The following FAM227B variants were observed in gnomAD, a reference collection of about 807,000 sequenced individuals.
FAM227B encodes the protein family with sequence similarity 227 member B, also known as protein FAM227B.
A neutral mutation model predicts 73.8 loss-of-function variants in FAM227B; 88 were observed. The ratio of observed to expected loss-of-function variants is 1.19; its 90% CI spans 1.00 to 1.42. The LOEUF is 1.42. Among genes scored for constraint, FAM227B ranks in the 40% most tolerant of loss-of-function variants. The pLI is 0.00. For synonymous variants in FAM227B, 210 were observed against 190.5 expected, an observed-to-expected ratio of 1.10 and a Z score of -0.84; for missense variants, 632 against 590.9, an observed-to-expected ratio of 1.07 and a Z score of -0.72.
chr15:49,392,216 A>G (rs2047257978), intron 11 of FAM227B, among the ~76,000 whole-genome samples: 1 of 152,192 alleles, frequency 6.6e-6, no homozygotes, highest in African/African-American at 2.4e-5. Flanking sequence ...GAGACTGTGA[A>G]CTGAACACCA....
chr15:49,389,262 G>A (rs1022132502), intron 11 of FAM227B, among the ~76,000 whole-genome samples: 2 of 151,862 alleles, frequency 1.3e-5, no homozygotes, highest in Non-Finnish European at 2.9e-5. Context: ...AACTAATGAT[G>A]GGATAAAGAA....
chr15:49,411,419 G>GA (rs2048865822), intron 11 of FAM227B, among the ~76,000 whole-genome samples: 1 of 151,972 alleles, frequency 6.6e-6, no homozygotes. Flanking sequence ...TTTTGAGAGA[G>GA]AAAATGAACA....
chr15:49,333,703 G>C (rs527885544), intron 14 of FAM227B, among the ~76,000 whole-genome samples: 2 of 152,244 alleles, frequency 1.3e-5, no homozygotes, highest in East Asian at 3.9e-4. Flanking sequence ...CAAAGTTATA[G>C]TCTCCCTAGG....
chr15:49,576,804 CTGAG>C lies in FAM227B; in HGVS notation c.479_482del (p.Thr160SerfsTer16). ...GTTCAGCATCCAAATGTCTGGGTAG[CTGAG>C]TAAGTTCATTTGCTTTGAATCCTGT... On this transcript the variant is annotated frameshift_variant, in exon 7 of 16. Coordinates refer to ENST00000299338, the MANE Select transcript of FAM227B (RefSeq NM_152647.3). LOFTEE classifies it high-confidence loss of function. 3 of 1,613,156 alleles carry C rather than the reference CTGAG, an allele frequency of 1.9e-6. No homozygotes were observed. The highest frequency in any genetic ancestry group is 2.5e-6 in the Non-Finnish European group (3 of 1,179,480).
intron 11 of FAM227B, among the ~76,000 whole-genome samples, chr15:49,499,067 G>C (rs2057893263): frequency 6.8e-6 from 1 of 147,628 alleles, no homozygotes; most frequent in Non-Finnish European, 1.5e-5. Context: ...TTGGGAGGCT[G>C]AGGCAGGAGA....
rs1420969870 is a variant in FAM227B at position 49,441,531 on chromosome 15, T to C, written c.1012+66680A>G. Among the ~76,000 whole-genome samples, 4 of 151,610 alleles carry C rather than the reference T, an allele frequency of 2.6e-5. No individual in the cohort carries two copies. The East Asian group carries it at 5.8e-4, about 22-fold the overall frequency. Reference sequence around the variant, plus strand: ...ACCAGGAAAGTAGACCAGGAAGCATTACAGACAAAGTGGGACACAAAGATT... The same window carrying C: ...ACCAGGAAAGTAGACCAGGAAGCATCACAGACAAAGTGGGACACAAAGATT... On this transcript the variant is annotated intron_variant, in intron 11 of 15. Coordinates refer to ENST00000299338, the MANE Select transcript of FAM227B (RefSeq NM_152647.3).
intron 11 of FAM227B, among the ~76,000 whole-genome samples, chr15:49,380,073 G>C (rs565476758): frequency 6.6e-6 from 1 of 152,294 alleles, no homozygotes; most frequent in East Asian, 1.9e-4. Context: ...GTATTCTATT[G>C]TATTACAGCT....
chr15:49,372,714 TGAGA>T, intron 11 of FAM227B, among the ~76,000 whole-genome samples: 2 of 152,020 alleles, frequency 1.3e-5, no homozygotes, highest in African/African-American at 4.8e-5. Flanking sequence ...TCTTAACATC[TGAGA>T]AAAAAGGTGA....
At chr15:49,561,297 G>A (rs2074238154) in intron 9 of FAM227B, among the ~76,000 whole-genome samples, 1 of 152,092 alleles carries the variant, frequency 6.6e-6, no homozygotes, top group African/African-American at 2.4e-5. Flanking sequence ...ATGATAAAGG[G>A]TTCAATTCAA....
chr15:49,348,028 A>G (rs1246677072), intron 13 of FAM227B, among the ~76,000 whole-genome samples: 2 of 151,606 alleles, frequency 1.3e-5, no homozygotes, highest in East Asian at 3.9e-4. Context: ...TCAAAAAAAA[A>G]AAAAAAAAAA....
At chr15:49,406,928 C>T (rs1460825667) in intron 11 of FAM227B, among the ~76,000 whole-genome samples, 2 of 151,964 alleles carry the variant, frequency 1.3e-5, no homozygotes, top group African/African-American at 4.8e-5. Context: ...AGGCAGGACC[C>T]CAGAACACCC....
intron 9 of FAM227B, among the ~76,000 whole-genome samples, chr15:49,549,403 T>C (rs1335725157): frequency 6.6e-6 from 1 of 151,670 alleles, no homozygotes; most frequent in Non-Finnish European, 1.5e-5. Context: ...AGGACAACAG[T>C]GGAGGGAAGG....
At chr15:49,446,122 G>T (rs2052182849) in intron 11 of FAM227B, among the ~76,000 whole-genome samples, 1 of 151,512 alleles carries the variant, frequency 6.6e-6, no homozygotes, top group African/African-American at 2.4e-5. Context: ...AGTAATTAGT[G>T]TATTATAATT....
At chr15:49,375,532 A>G (rs1276945982) in intron 11 of FAM227B, among the ~76,000 whole-genome samples, 4 of 152,130 alleles carry the variant, frequency 2.6e-5, no homozygotes, top group African/African-American at 9.7e-5. Flanking sequence ...CAAAGTGACA[A>G]GTATCTGAAT....
intron 3 of FAM227B, among the ~76,000 whole-genome samples, chr15:49,591,029 GTTTTTTTTTTTTTTGA>G (rs2076507886): frequency 9.5e-6 from 1 of 105,608 alleles, no homozygotes; most frequent in Admixed American, 9.7e-5. Context: ...TCTTTTTTTT[GTTTTTTTTTTTTTTGA>G]TTTTTTTTTT....
chr15:49,561,815 G>A (rs913607315), intron 9 of FAM227B, among the ~76,000 whole-genome samples: 6 of 152,044 alleles, frequency 3.9e-5, no homozygotes, highest in South Asian at 2.1e-4. Flanking sequence ...ATAGAGACAC[G>A]ACATACCCAA....
At chr15:49,556,283 T>C (rs2073671627) in intron 9 of FAM227B, among the ~76,000 whole-genome samples, 1 of 152,150 alleles carries the variant, frequency 6.6e-6, no homozygotes, top group Non-Finnish European at 1.5e-5. Context: ...GGTTTAATTG[T>C]TGTATAAGGT....
At chr15:49,436,549 G>A (rs1211657565) in intron 11 of FAM227B, among the ~76,000 whole-genome samples, 1 of 151,562 alleles carries the variant, frequency 6.6e-6, no homozygotes, top group Non-Finnish European at 1.5e-5. Context: ...AATTAAATGT[G>A]TGAGTGGTTT....
intron 11 of FAM227B, among the ~76,000 whole-genome samples, chr15:49,407,357 C>A (rs2048584737): frequency 6.6e-6 from 1 of 152,024 alleles, no homozygotes; most frequent in African/African-American, 2.4e-5. Context: ...CCTGGTGCAC[C>A]ATAGCCCAGG....
Sources: gnomAD v4.1 joint callset for allele counts (sites outside exome capture counted in the v4.1 genomes callset) on GRCh38, gnomAD v4.1.1 for gene constraint, MANE v1.5 for transcripts, NCBI Gene and HGNC (gene_info 2026-07-23, HGNC 2026-07-21) for gene names.